CEP57L1: variants seen among roughly 807,000 people sequenced by gnomAD.
The protein encoded by CEP57L1 is centrosomal protein CEP57L1.
A neutral mutation model predicts 61.0 loss-of-function variants in CEP57L1; 37 were observed. The observed-to-expected ratio is 0.61, with a 90% CI of 0.47 to 0.80. CEP57L1 has a LOEUF of 0.80. Among genes scored for constraint, CEP57L1 ranks in the 30% least tolerant of loss-of-function variants. CEP57L1 has a pLI of 0.00. For synonymous variants in CEP57L1, 137 were observed against 162.3 expected (o/e 0.84, Z 1.19); for missense variants, 422 against 524.7 (o/e 0.80, Z 1.91).
chr6:109,171,663 A>G lies in CEP57L1; in HGVS notation c.*8693A>G, dbSNP rs1754855138. Among the ~76,000 whole-genome samples, 1 of 152,214 alleles carries G rather than the reference A, an allele frequency of 6.6e-6. No individual in the cohort carries two copies. The highest frequency in any genetic ancestry group is 1.5e-5 in the Non-Finnish European group (1 of 68,048). On this transcript the variant is annotated 3_prime_UTR_variant, in exon 11 of 11. Coordinates refer to ENST00000517392, the MANE Select transcript of CEP57L1 (RefSeq NM_001271852.3). Reference sequence around the variant, plus strand: ...AGCATTTAGGAGTTTATATGCAAAGAAGTCTTGCAAGGGAGTACAAGCTTT... The same window carrying G: ...AGCATTTAGGAGTTTATATGCAAAGGAGTCTTGCAAGGGAGTACAAGCTTT...
intron 1 of CEP57L1, among the ~76,000 whole-genome samples, chr6:109,117,137 T>C (rs749463852): frequency 2.0e-5 from 3 of 152,166 alleles, no homozygotes; most frequent in Admixed American, 6.5e-5. Context: ...ATCAGAAATA[T>C]ATATATAGTA....
intron 1 of CEP57L1, among the ~76,000 whole-genome samples, chr6:109,140,253 T>C (rs1771204581): frequency 6.6e-6 from 1 of 151,922 alleles, no homozygotes; most frequent in Admixed American, 6.6e-5. Flanking sequence ...CCACTTGTCA[T>C]TTTTCTATTA....
rs1355988863 is a variant in CEP57L1, at chr6:109,101,862, G to A, written c.-4+6287G>A. On this transcript the variant is annotated intron_variant, in intron 1 of 10. Coordinates refer to ENST00000517392, the MANE Select transcript of CEP57L1 (RefSeq NM_001271852.3). ...TCTCGATCTCCTGATCTCGTGATCCGCCCGCCTCGGCCTCCCAAAGTGCTG... is the reference window on the plus strand; with the variant it reads ...TCTCGATCTCCTGATCTCGTGATCCACCCGCCTCGGCCTCCCAAAGTGCTG... 2.0e-5 allele frequency among the ~76,000 whole-genome samples: 3 copies of A among 151,754 alleles called. No individual in the cohort carries two copies. The East Asian group carries it at 5.8e-4, about 29-fold the overall frequency.
chr6:109,150,476 A>G (rs141329558), intron 4 of CEP57L1, among the ~76,000 whole-genome samples: 12,036 of 152,106 alleles, frequency 0.079, 650 homozygotes, highest in Middle Eastern at 0.2. Context: ...AGCCTGGCCA[A>G]CATGGTGAAA....
chr6:109,138,156 C>A (rs1770946494), intron 1 of CEP57L1, among the ~76,000 whole-genome samples: 1 of 152,150 alleles, frequency 6.6e-6, no homozygotes, highest in Non-Finnish European at 1.5e-5. Flanking sequence ...TCATATATGG[C>A]TTTGTAAATC....
In CEP57L1 at chr6:109,150,019, G is replaced by T. The variant is rs528409046; in HGVS notation, c.341-99G>T. On this transcript the variant is annotated intron_variant, in intron 3 of 10. Coordinates refer to ENST00000517392, the MANE Select transcript of CEP57L1 (RefSeq NM_001271852.3). ...GCTTATCAGCTTAAGGAGATTTTGGGCTGAGACAATGGGGTTTTCTAGATA... is the reference window on the plus strand; with the variant it reads ...GCTTATCAGCTTAAGGAGATTTTGGTCTGAGACAATGGGGTTTTCTAGATA... 2.7e-3 allele frequency: 1,645 copies of T among 602,282 alleles called. 26 individuals carry two copies. In the African/African-American group the frequency reaches 0.028, roughly 10 times the overall value. The allele number at this position is 602,282 out of a possible 1,614,324, so 37.3% of individuals were successfully genotyped here.
intron 1 of CEP57L1, among the ~76,000 whole-genome samples, chr6:109,101,474 A>C (rs1433394222): frequency 6.6e-6 from 1 of 152,164 alleles, no homozygotes; most frequent in African/African-American, 2.4e-5. Context: ...AGTTTTTATC[A>C]ATTATGAATA....
intron 7 of CEP57L1, chr6:109,156,209 T>G (rs1428072738): frequency 6.2e-6 from 1 of 161,296 alleles, no homozygotes; most frequent in Non-Finnish European, 1.3e-5. Flanking sequence ...GATTAACATT[T>G]TTCTAGTTTT....
intron 1 of CEP57L1, among the ~76,000 whole-genome samples, chr6:109,106,504 T>A (rs1770947594): frequency 6.6e-6 from 1 of 152,216 alleles, no homozygotes; most frequent in Non-Finnish European, 1.5e-5. Flanking sequence ...TAATTAGTAT[T>A]CCATTTATTA....
At chr6:109,159,519 G>A in intron 9 of CEP57L1, 57 bp downstream of exon 9, 2 of 1,520,050 alleles carry the variant, frequency 1.3e-6, no homozygotes, top group Middle Eastern at 1.8e-4. Flanking sequence ...ATGTTGCCCA[G>A]GCTAGTCTTG....
chr6:109,146,542 A>G (rs922348880), intron 2 of CEP57L1, among the ~76,000 whole-genome samples: 6 of 152,052 alleles, frequency 3.9e-5, no homozygotes, highest in African/African-American at 1.2e-4. Context: ...ACTAAATACA[A>G]TAATAGATAT....
At chr6:109,139,983 GAT>G (rs757563880) in intron 1 of CEP57L1, among the ~76,000 whole-genome samples, 2 of 152,230 alleles carry the variant, frequency 1.3e-5, no homozygotes, top group Non-Finnish European at 2.9e-5. Flanking sequence ...AAGTCAGAAA[GAT>G]AGTAGTAAGT....
rs1325527970 is a variant in CEP57L1 at position 109,163,624 on chromosome 6, T to C, written c.*654T>C. ...TTTTTTTTAAAAAATCAATGATCAA[T>C]TTTATCTTACTACTTTATAACTTTT... On this transcript the variant is annotated 3_prime_UTR_variant, in exon 11 of 11. Coordinates refer to ENST00000517392, the MANE Select transcript of CEP57L1 (RefSeq NM_001271852.3). The C allele has an allele frequency of 6.6e-6, 1 of 152,112 alleles. No individual in the cohort carries two copies. Among genetic ancestry groups the C allele is most frequent in the Admixed American group, 6.6e-5 (1 of 15,260 alleles). The allele number at this position is 152,112 out of a possible 1,614,324, so 9.4% of individuals were successfully genotyped here. A position where few individuals can be genotyped will look rare whatever the true frequency, so the allele number is the denominator to read the frequency against.
intron 1 of CEP57L1, among the ~76,000 whole-genome samples, chr6:109,099,328 C>T (rs1013418233): frequency 2.0e-5 from 3 of 152,020 alleles, no homozygotes; most frequent in Admixed American, 2.0e-4. Context: ...GAGAAAAACC[C>T]ACTGTTCAGT....
chr6:109,153,797 A>G (rs775264078), intron 4 of CEP57L1, 36 bp from the exon 5 acceptor site: 16 of 1,270,810 alleles, frequency 1.3e-5, no homozygotes, highest in African/African-American at 1.5e-5. Context: ...TTACTTGCCA[A>G]ATTCAGGGTT....
chr6:109,150,000 C>T (rs1264454519), intron 3 of CEP57L1, 118 bp from the exon 4 acceptor site: 1 of 472,814 alleles, frequency 2.1e-6, no homozygotes, highest in Non-Finnish European at 3.9e-6. Context: ...AGTTGCTTAT[C>T]AGCTTAAGGA....
Position 109,162,838 on chromosome 6 carries a change from G to C in CEP57L1, c.1251G>C (p.Lys417Asn), listed in dbSNP as rs779167675. Residue 417 changes from lysine to asparagine, a missense_variant, in exon 11 of 11, where the codon AAG (lysine) becomes AAC (asparagine). Lys to Asn is a moderately conservative substitution (Grantham distance 94). Coordinates refer to ENST00000517392, the MANE Select transcript of CEP57L1 (RefSeq NM_001271852.3). ...QQEDSYPKGSKNIKNSPRKCL... is the reference protein window; with the variant it reads ...QQEDSYPKGSNNIKNSPRKCL... ...AAGACAGCTACCCTAAAGGATCAAA[G>C]AACATAAAAAATAGCCCCAGAAAAT... is the stretch of plus-strand genomic sequence containing the variant. 1.1e-5 allele frequency: 17 copies of C among 1,613,122 alleles called. No individual in the cohort carries two copies. Among genetic ancestry groups the C allele is most frequent in the Non-Finnish European group, 1.1e-5 (13 of 1,179,502 alleles).
Position 109,146,743 on chromosome 6 carries a change from A to G in CEP57L1, c.161-15A>G. On this transcript the variant is annotated splice_polypyrimidine_tract_variant and intron_variant, in intron 2 of 10. Transcript: ENST00000517392. ...AACTTTCACTTAAAATATCAACAAAATTTTTTTTCAACAGCTCTTATTTTA... is the reference window on the plus strand; with the variant it reads ...AACTTTCACTTAAAATATCAACAAAGTTTTTTTTCAACAGCTCTTATTTTA... 6.6e-7 allele frequency: 1 copy of G among 1,515,274 alleles called. No individual in the cohort carries two copies. The highest frequency in any genetic ancestry group is 8.8e-7 in the Non-Finnish European group (1 of 1,130,572). The allele number at this position is 1,515,274 out of a possible 1,614,324, so 93.9% of individuals were successfully genotyped here. A position where few individuals can be genotyped will look rare whatever the true frequency, so the allele number is the denominator to read the frequency against.
At position 109,169,825 on chromosome 6, in the gene CEP57L1, T is replaced by G. The variant is rs1774319781; in HGVS notation, c.*6855T>G. Among the ~76,000 whole-genome samples, 1 of 152,174 alleles carries G rather than the reference T, an allele frequency of 6.6e-6. No homozygotes were observed. The highest frequency in any genetic ancestry group is 1.5e-5 in the Non-Finnish European group (1 of 68,034). ...TCTGAAGAGAGCAAAGATCTGTTAT[T>G]TGACAAACCCTATTTTTCCGAGCAT... On this transcript the variant is annotated 3_prime_UTR_variant, in exon 11 of 11. Transcript: ENST00000517392.
Sources: allele counts gnomAD v4.1 joint callset (sites outside exome capture counted in the v4.1 genomes callset), GRCh38; gene constraint gnomAD v4.1.1; transcripts MANE v1.5; gene names NCBI Gene and HGNC (gene_info 2026-07-23, HGNC 2026-07-21).